The following CCBE1 variants were observed in gnomAD, a reference collection of about 807,000 sequenced individuals.
CCBE1 encodes collagen and calcium binding EGF domains 1, also known as collagen and calcium-binding EGF domain-containing protein 1.
A neutral mutation model predicts 50.0 loss-of-function variants in CCBE1; 37 were observed. The observed-to-expected ratio is 0.74, with a 90% CI of 0.57 to 0.97. The LOEUF (loss-of-function observed/expected upper bound fraction) is 0.97. Ranked by LOEUF, CCBE1 falls within the 50% of genes least tolerant of loss-of-function variation. The probability of loss-of-function intolerance (pLI) is 0.00; values close to 1 mark genes in which losing one functional copy is unlikely to be tolerated. For missense variants in CCBE1, 538 were observed against 523.8 expected (o/e 1.03, Z -0.26); for synonymous variants, 234 against 203.7 (o/e 1.15, Z -1.27).
chr18:59,686,653 A>G (rs1302318072), intron 2 of CCBE1, among the ~76,000 whole-genome samples: 3 of 152,098 alleles, frequency 2.0e-5, no homozygotes, highest in Admixed American at 6.5e-5. Flanking sequence ...TTTTCTTTGT[A>G]ATATCCATTT....
chr18:59,501,571 T>G (rs1913624941), intron 2 of CCBE1, among the ~76,000 whole-genome samples: 1 of 152,144 alleles, frequency 6.6e-6, no homozygotes, highest in Non-Finnish European at 1.5e-5. Context: ...ACCTGCTTCC[T>G]CCTCCTCCTG....
intron 8 of CCBE1, 34 bp from the exon 9 acceptor site, chr18:59,439,612 CA>C (rs779995835): frequency 8.7e-6 from 14 of 1,614,112 alleles, no homozygotes; most frequent in Non-Finnish European, 1.2e-5. Flanking sequence ...TAACCACAGG[CA>C]AAAGCATGGG....
intron 2 of CCBE1, among the ~76,000 whole-genome samples, chr18:59,562,814 T>C (rs912233211): frequency 6.6e-6 from 1 of 152,140 alleles, no homozygotes. Flanking sequence ...AAAGCCTCCC[T>C]CACATGTTGT....
intron 2 of CCBE1, among the ~76,000 whole-genome samples, chr18:59,542,012 C>A (rs1157284844): frequency 2.0e-5 from 3 of 151,530 alleles, no homozygotes; most frequent in African/African-American, 4.9e-5. Flanking sequence ...CCCTGTTTTA[C>A]AACAAATACA....
intron 2 of CCBE1, among the ~76,000 whole-genome samples, chr18:59,545,343 C>G (rs563898434): frequency 6.8e-6 from 1 of 146,408 alleles, no homozygotes; most frequent in African/African-American, 2.4e-5. Context: ...AGTATGCACT[C>G]TCAACACAAT....
chr18:59,445,454 G>A (rs373502063), intron 7 of CCBE1, among the ~76,000 whole-genome samples: 1 of 152,154 alleles, frequency 6.6e-6, no homozygotes, highest in East Asian at 1.9e-4. Flanking sequence ...TCTTTTAAAT[G>A]CACATAGTAA....
At chr18:59,609,197 C>T (rs1174644148) in intron 2 of CCBE1, among the ~76,000 whole-genome samples, 1 of 152,202 alleles carries the variant, frequency 6.6e-6, no homozygotes, top group African/African-American at 2.4e-5. Context: ...CTTCCCTTCT[C>T]ACTGCACACA....
At chr18:59,667,488 A>G (rs548710760) in intron 2 of CCBE1, among the ~76,000 whole-genome samples, 1 of 152,208 alleles carries the variant, frequency 6.6e-6, no homozygotes, top group South Asian at 2.1e-4. Flanking sequence ...CTGCTACCCC[A>G]TCACCTGAAG....
Position 59,431,996 on chromosome 18 carries a change from C to G in CCBE1, c.*3912G>C, listed in dbSNP as rs1471881907. 1 of 152,256 alleles carries G rather than the reference C, an allele frequency of 6.6e-6. No homozygotes were observed. Among genetic ancestry groups the G allele is most frequent in the Non-Finnish European group, 1.5e-5 (1 of 68,070 alleles). The allele number at this position is 152,256 out of a possible 1,614,324, so 9.4% of individuals were successfully genotyped here. A position where few individuals can be genotyped will look rare whatever the true frequency, so the allele number is the denominator to read the frequency against. On this transcript the variant is annotated 3_prime_UTR_variant, in exon 11 of 11. Transcript: ENST00000439986. ...TCGAGACGGAGTCTCACTCTGTAGC[C>G]AGGCTGGAGTGCAGTGGCGCAATCT... is the stretch of plus-strand genomic sequence containing the variant.
intron 2 of CCBE1, among the ~76,000 whole-genome samples, chr18:59,485,540 G>T (rs1050951425): frequency 2.2e-4 from 34 of 151,414 alleles, no homozygotes; most frequent in Non-Finnish European, 3.7e-4. Flanking sequence ...ATTTATTTGG[G>T]GTTTTCCTTG....
intron 2 of CCBE1, among the ~76,000 whole-genome samples, chr18:59,504,352 T>C (rs1023179979): frequency 1.3e-5 from 2 of 151,924 alleles, no homozygotes; most frequent in East Asian, 1.9e-4. Context: ...TTTACTATTA[T>C]TGTTAGTAGT....
chr18:59,543,432 T>G (rs1286955284), intron 2 of CCBE1, among the ~76,000 whole-genome samples: 1 of 151,858 alleles, frequency 6.6e-6, no homozygotes, highest in African/African-American at 2.4e-5. Flanking sequence ...TTAAAAAGAG[T>G]CTGATTATGT....
chr18:59,480,339 T>A (rs1343187817), intron 2 of CCBE1, 101 bp from the exon 3 acceptor site: 9 of 921,722 alleles, frequency 9.8e-6, no homozygotes, highest in Non-Finnish European at 1.5e-5. Context: ...CCAGGAAACA[T>A]TGAGGCATAA....
At chr18:59,576,455 G>A (rs2052997171) in intron 2 of CCBE1, among the ~76,000 whole-genome samples, 1 of 152,194 alleles carries the variant, frequency 6.6e-6, no homozygotes, top group African/African-American at 2.4e-5. Context: ...TCAATAAACA[G>A]CTTTAGTAGA....
chr18:59,614,087 C>T (rs370412625), intron 2 of CCBE1, among the ~76,000 whole-genome samples: 1 of 152,120 alleles, frequency 6.6e-6, no homozygotes, highest in Non-Finnish European at 1.5e-5. Flanking sequence ...CTAACTGCAA[C>T]CTCTGCCTCG....
chr18:59,623,020 G>T (rs1243474818), intron 2 of CCBE1, among the ~76,000 whole-genome samples: 2 of 152,026 alleles, frequency 1.3e-5, no homozygotes, highest in East Asian at 3.9e-4. Flanking sequence ...TGTAGACTTT[G>T]GGTAATAATG....
chr18:59,571,264 G>T (rs1467926430), intron 2 of CCBE1, among the ~76,000 whole-genome samples: 2 of 152,060 alleles, frequency 1.3e-5, no homozygotes, highest in African/African-American at 2.4e-5. Flanking sequence ...AAAAAAATTA[G>T]ATCTTAAGGT....
chr18:59,624,546 G>A (rs1216326155), intron 2 of CCBE1, among the ~76,000 whole-genome samples: 2 of 152,218 alleles, frequency 1.3e-5, no homozygotes, highest in African/African-American at 2.4e-5. Context: ...TAGGCTTCCT[G>A]CCACTGAGGC....
chr18:59,511,025 TGTC>T (rs1193956044), intron 2 of CCBE1, among the ~76,000 whole-genome samples: 2 of 152,212 alleles, frequency 1.3e-5, no homozygotes, highest in Admixed American at 6.5e-5. Context: ...CTAGAGCCTA[TGTC>T]TGACCCCTGC....
Sources: allele counts gnomAD v4.1 joint callset (sites outside exome capture counted in the v4.1 genomes callset), GRCh38; gene constraint gnomAD v4.1.1; transcripts MANE v1.5; gene names NCBI Gene and HGNC (gene_info 2026-07-23, HGNC 2026-07-21).